Variants in MYOCD observed in about 807,000 individuals in gnomAD.
MYOCD encodes myocardin.
Under a neutral mutation model 96.1 loss-of-function variants are expected in MYOCD, and 32 were observed. That is an observed-to-expected ratio of 0.33 (90% CI 0.25 to 0.45). The LOEUF is 0.45. MYOCD is among the 20% of genes least tolerant of loss of function. The pLI, the probability that MYOCD is intolerant of heterozygous loss-of-function variation, is 1.00. For synonymous variants in MYOCD, 469 were observed against 469.0 expected (o/e 1.00, Z 0.00); for missense variants, 1,133 against 1,200.6 (o/e 0.94, Z 0.83).
intron 9 of MYOCD, among the ~76,000 whole-genome samples, chr17:12,748,652 A>G (rs1436563996): frequency 6.6e-6 from 1 of 152,226 alleles, no homozygotes; most frequent in Non-Finnish European, 1.5e-5. Flanking sequence ...ATTAAACTCA[A>G]CTGTATTCAT....
At chr17:12,677,199 G>A (rs956286555) in intron 1 of MYOCD, among the ~76,000 whole-genome samples, 5 of 152,166 alleles carry the variant, frequency 3.3e-5, no homozygotes, top group Non-Finnish European at 5.9e-5. Flanking sequence ...GGAGCTCAGT[G>A]ATGAGAACAC....
At chr17:12,756,319 C>A in intron 10 of MYOCD, 95 bp from the exon 11 acceptor site, 1 of 1,390,050 alleles carries the variant, frequency 7.2e-7, no homozygotes, top group South Asian at 1.2e-5. Context: ...AAAAATGACA[C>A]CAGGGGACAC....
chr17:12,739,535 G>A (rs1032946288), intron 7 of MYOCD, among the ~76,000 whole-genome samples: 1 of 152,200 alleles, frequency 6.6e-6, no homozygotes, highest in Non-Finnish European at 1.5e-5. Flanking sequence ...CCTCTGCCAC[G>A]GAGAAGGCTG....
intron 1 of MYOCD, among the ~76,000 whole-genome samples, chr17:12,704,407 CTATT>C (rs2031206658): frequency 1.3e-5 from 2 of 152,102 alleles, no homozygotes; most frequent in Admixed American, 1.3e-4. Flanking sequence ...TATGTATAAT[CTATT>C]TGTGTTATAG....
At position 12,763,431 on chromosome 17, in the gene MYOCD, T is replaced by C. The variant is rs988151932; in HGVS notation, c.2748T>C (p.Phe916=). ...CCCTCTCTCCAATGCAGACACAGTT[T>C]TCACCCTCTTCTGTGGACAGCAATG... ...PGPLSPMQTQ[F]SPSSVDSNGL... is the part of the protein sequence containing the mutation. The change falls in exon 14 of 14, where the codon TTT becomes TTC. Residue 916 remains phenylalanine (F), a synonymous_variant. Transcript: ENST00000425538. 1.7e-5 allele frequency: 27 copies of C among 1,613,258 alleles called. No individual in the cohort carries two copies. The highest frequency in any genetic ancestry group is 2.2e-5 in the Non-Finnish European group (26 of 1,179,520).
At chr17:12,712,154 C>G (rs947782829) in intron 2 of MYOCD, among the ~76,000 whole-genome samples, 3 of 152,084 alleles carry the variant, frequency 2.0e-5, no homozygotes, top group Non-Finnish European at 4.4e-5. Flanking sequence ...AGCCACCACA[C>G]CCGGCCAAGA....
intron 2 of MYOCD, among the ~76,000 whole-genome samples, chr17:12,708,919 G>A (rs1163149368): frequency 1.3e-5 from 2 of 152,074 alleles, no homozygotes; most frequent in East Asian, 1.9e-4. Flanking sequence ...GCTATCATAA[G>A]GCATTTTATG....
intron 1 of MYOCD, among the ~76,000 whole-genome samples, chr17:12,676,845 A>G (rs951331440): frequency 6.6e-6 from 1 of 152,210 alleles, no homozygotes; most frequent in Non-Finnish European, 1.5e-5. Flanking sequence ...TATTGATTGT[A>G]TGATATGAAC....
intron 2 of MYOCD, among the ~76,000 whole-genome samples, chr17:12,713,854 A>G (rs2031555199): frequency 6.6e-6 from 1 of 152,234 alleles, no homozygotes; most frequent in Non-Finnish European, 1.5e-5. Context: ...TTAATTTCTC[A>G]GAATCACTGA....
intron 1 of MYOCD, among the ~76,000 whole-genome samples, chr17:12,683,649 C>A (rs1198607201): frequency 6.6e-6 from 1 of 152,142 alleles, no homozygotes; most frequent in Non-Finnish European, 1.5e-5. Context: ...CCTGACAACT[C>A]CTTTTATTTA....
chr17:12,694,881 C>CAAAAAAAAAA (rs201215491), intron 1 of MYOCD, among the ~76,000 whole-genome samples: 4 of 69,650 alleles, frequency 5.7e-5, no homozygotes, highest in African/African-American at 1.0e-4. Context: ...AAGGAATAAC[C>CAAAAAAAAAA]AAAAAAAAAA....
rs114536078 is a variant in MYOCD, at chr17:12,676,045, C to A, written c.55+9802C>A. On this transcript the variant is annotated intron_variant, in intron 1 of 13. Coordinates refer to ENST00000425538, the MANE Select transcript of MYOCD (RefSeq NM_001146312.3). The stretch of plus-strand genomic sequence containing the variant: ...GTATCTACATAATTTTTAAATACGC[C>A]TAAAACATAAGAAGAAATTGACATC... Among the ~76,000 whole-genome samples the A allele has an allele frequency of 7.1e-3, 1,078 of 151,798 alleles. 15 individuals are homozygous for A. Among genetic ancestry groups the A allele is most frequent in the African/African-American group, 0.025 (1,016 of 41,400 alleles).
chr17:12,753,487 A>G (rs2032922649), intron 10 of MYOCD, 141 bp downstream of exon 10: 2 of 768,844 alleles, frequency 2.6e-6, no homozygotes, highest in Non-Finnish European at 4.0e-6. Flanking sequence ...AGACACTACA[A>G]TCCTTGAATC....
chr17:12,704,130 C>A (rs977672272), intron 1 of MYOCD, among the ~76,000 whole-genome samples: 1 of 152,034 alleles, frequency 6.6e-6, no homozygotes, highest in African/African-American at 2.4e-5. Context: ...ACATTGTGAG[C>A]CTTATCTAGT....
At chr17:12,738,604 A>G (rs1214367169) in intron 6 of MYOCD, among the ~76,000 whole-genome samples, 1 of 152,052 alleles carries the variant, frequency 6.6e-6, no homozygotes, top group Non-Finnish European at 1.5e-5. Flanking sequence ...GCACGCATGC[A>G]CGTACACACA....
chr17:12,740,789 A>G (rs2032482869), intron 7 of MYOCD, among the ~76,000 whole-genome samples: 1 of 151,662 alleles, frequency 6.6e-6, no homozygotes, highest in Non-Finnish European at 1.5e-5. Flanking sequence ...CCCAGGCTGG[A>G]GTGCAGTGGC....
intron 6 of MYOCD, among the ~76,000 whole-genome samples, 194 bp from the exon 7 acceptor site, chr17:12,739,009 G>A (rs2032427709): frequency 6.6e-6 from 1 of 151,860 alleles, no homozygotes; most frequent in African/African-American, 2.4e-5. Flanking sequence ...GTATACACAT[G>A]TACATATATA....
At chr17:12,718,334 G>A (rs1345344782) in intron 4 of MYOCD, among the ~76,000 whole-genome samples, 2 of 152,102 alleles carry the variant, frequency 1.3e-5, no homozygotes, top group Non-Finnish European at 2.9e-5. Context: ...GAATGGACAG[G>A]GGAGGAGTGA....
chr17:12,724,939 A>G (rs1219496618), intron 5 of MYOCD, among the ~76,000 whole-genome samples: 1 of 152,126 alleles, frequency 6.6e-6, no homozygotes, highest in Non-Finnish European at 1.5e-5. Context: ...TTAGGATTGC[A>G]CTGAATTTAT....
Sources: allele counts gnomAD v4.1 joint callset (sites outside exome capture counted in the v4.1 genomes callset), GRCh38; gene constraint gnomAD v4.1.1; transcripts MANE v1.5; gene names NCBI Gene and HGNC (gene_info 2026-07-23, HGNC 2026-07-21).